The following CAMK1D variants were observed in gnomAD, a reference collection of about 807,000 sequenced individuals.
CAMK1D encodes calcium/calmodulin-dependent protein kinase type 1D.
CAMK1D carries 9 observed loss-of-function variants against 47.7 expected under a neutral mutation model. The ratio of observed to expected loss-of-function variants is 0.19; its 90% CI spans 0.11 to 0.33. CAMK1D has a LOEUF of 0.33. Ranked by LOEUF, CAMK1D falls within the 10% of genes least tolerant of loss-of-function variation. The pLI is 1.00. For synonymous variants in CAMK1D, 184 were observed against 184.9 expected (o/e 0.99, Z 0.04); for missense variants, 291 against 488.7 (o/e 0.60, Z 3.81).
chr10:12,762,606 T>C (rs553432910), intron 4 of CAMK1D, among the ~76,000 whole-genome samples: 3 of 152,164 alleles, frequency 2.0e-5, no homozygotes, highest in African/African-American at 4.8e-5. Context: ...AAAACTTGCA[T>C]TTCTAACAGG....
intron 10 of CAMK1D, among the ~76,000 whole-genome samples, chr10:12,827,848 G>C (rs9424169): frequency 0.86 from 130,375 of 151,882 alleles, 55,981 homozygotes; most frequent in East Asian, 0.95. Flanking sequence ...ACCACCGTGC[G>C]CAGCTAATTT....
At chr10:12,572,138 G>A (rs1204231731) in intron 2 of CAMK1D, among the ~76,000 whole-genome samples, 1 of 151,496 alleles carries the variant, frequency 6.6e-6, no homozygotes, top group Admixed American at 6.6e-5. Context: ...CAGATGGGAA[G>A]TGGAAGACTC....
chr10:12,557,672 A>G (rs1273589443), intron 2 of CAMK1D, among the ~76,000 whole-genome samples: 2 of 151,890 alleles, frequency 1.3e-5, no homozygotes, highest in East Asian at 1.9e-4. Context: ...TGATTTCCAC[A>G]CTATTTTTGC....
rs1225386052 is a variant in CAMK1D, at chr10:12,446,588, A to G, written c.92+96678A>G. Reference sequence around the variant, plus strand: ...CTGGGAATGCAGCCCAGTAGGTCTCAGCCTCATTTTACCCAGTCCCTACTC... The same window carrying G: ...CTGGGAATGCAGCCCAGTAGGTCTCGGCCTCATTTTACCCAGTCCCTACTC... On this transcript the variant is annotated intron_variant, in intron 1 of 10. Coordinates refer to ENST00000619168, the MANE Select transcript of CAMK1D (RefSeq NM_153498.4). Among the ~76,000 whole-genome samples, 7 of 152,180 alleles carry G rather than the reference A, an allele frequency of 4.6e-5. No individual in the cohort carries two copies. The East Asian group carries it at 1.3e-3, about 29-fold the overall frequency.
intron 2 of CAMK1D, among the ~76,000 whole-genome samples, chr10:12,612,910 G>A (rs556311065): frequency 6.6e-6 from 1 of 152,244 alleles, no homozygotes; most frequent in Admixed American, 6.5e-5. Context: ...GCAAATACAT[G>A]ATAGGGATCC....
At chr10:12,760,257 C>A (rs1836439558) in intron 3 of CAMK1D, among the ~76,000 whole-genome samples, 1 of 152,194 alleles carries the variant, frequency 6.6e-6, no homozygotes, top group South Asian at 2.1e-4. Context: ...TAAATGCAAT[C>A]TGAAATGCAA....
chr10:12,371,372 C>T (rs558279142), intron 1 of CAMK1D, among the ~76,000 whole-genome samples: 7 of 151,666 alleles, frequency 4.6e-5, no homozygotes, highest in Admixed American at 2.6e-4. Flanking sequence ...GTCAGGAGAT[C>T]GAGACCATCC....
intron 10 of CAMK1D, among the ~76,000 whole-genome samples, chr10:12,827,612 C>CCTCCTCT (rs747388659): frequency 0.15 from 10,065 of 67,510 alleles, 1,440 homozygotes; most frequent in Admixed American, 0.18. Flanking sequence ...CTTCCCCTCC[C>CCTCCTCT]CTCCTCTCTC....
At chr10:12,764,875 C>T (rs1039468433) in intron 4 of CAMK1D, among the ~76,000 whole-genome samples, 3 of 152,096 alleles carry the variant, frequency 2.0e-5, no homozygotes, top group East Asian at 1.9e-4. Flanking sequence ...GTAGATAGAT[C>T]GCCTGAGGTC....
chr10:12,617,710 T>G (rs987475822), intron 2 of CAMK1D, among the ~76,000 whole-genome samples: 3 of 152,084 alleles, frequency 2.0e-5, no homozygotes, highest in African/African-American at 7.2e-5. Flanking sequence ...GCCGGGTTAG[T>G]TTTTTCTCCT....
At chr10:12,625,498 T>C (rs55706823) in intron 2 of CAMK1D, among the ~76,000 whole-genome samples, 113,150 of 149,102 alleles carry the variant, frequency 0.76, 43,595 homozygotes, top group East Asian at 0.84. Context: ...CCACGCCTGA[T>C]TGATTTTTAT....
chr10:12,476,187 G>A (rs576319111), intron 1 of CAMK1D, among the ~76,000 whole-genome samples: 1 of 152,058 alleles, frequency 6.6e-6, no homozygotes, highest in South Asian at 2.1e-4. Context: ...AGCTACTCAG[G>A]AGGCTGGGGC....
intron 6 of CAMK1D, among the ~76,000 whole-genome samples, chr10:12,812,034 C>T (rs188225159): frequency 3.3e-4 from 50 of 152,324 alleles, no homozygotes; most frequent in African/African-American, 8.2e-4. Context: ...TTGATTCTTA[C>T]GGGCCCACAG....
chr10:12,799,388 C>T (rs975202739), intron 6 of CAMK1D, among the ~76,000 whole-genome samples: 12 of 152,016 alleles, frequency 7.9e-5, no homozygotes, highest in African/African-American at 2.9e-4. Context: ...AACTGCTTAC[C>T]CATCCAAACT....
chr10:12,818,924 C>T (rs750913829), intron 8 of CAMK1D, among the ~76,000 whole-genome samples: 2 of 152,058 alleles, frequency 1.3e-5, no homozygotes, highest in Non-Finnish European at 1.5e-5. Context: ...AAGTATGCGA[C>T]GATAAAGGTA....
chr10:12,498,056 A>G (rs1013232383), intron 1 of CAMK1D, among the ~76,000 whole-genome samples: 1 of 152,200 alleles, frequency 6.6e-6, no homozygotes, highest in African/African-American at 2.4e-5. Flanking sequence ...CATTATCATG[A>G]GAACAGCATG....
At chr10:12,522,974 A>G (rs1157405002) in intron 1 of CAMK1D, among the ~76,000 whole-genome samples, 1 of 129,830 alleles carries the variant, frequency 7.7e-6, no homozygotes, top group Non-Finnish European at 1.7e-5. Flanking sequence ...GCTGATCCCC[A>G]TCTCCCTCCC....
chr10:12,701,170 TG>T (rs1364254525), intron 3 of CAMK1D, among the ~76,000 whole-genome samples: 1 of 151,634 alleles, frequency 6.6e-6, no homozygotes, highest in East Asian at 1.9e-4. Context: ...TGGAGTGCAA[TG>T]GTGTGATCTC....
At chr10:12,386,737 T>G (rs1838507655) in intron 1 of CAMK1D, among the ~76,000 whole-genome samples, 1 of 152,158 alleles carries the variant, frequency 6.6e-6, no homozygotes. Context: ...CATCTGAAGG[T>G]GATGAAATGA....
Sources: allele counts gnomAD v4.1 joint callset (sites outside exome capture counted in the v4.1 genomes callset), GRCh38; gene constraint gnomAD v4.1.1; transcripts MANE v1.5; gene names NCBI Gene and HGNC (gene_info 2026-07-23, HGNC 2026-07-21).